PTPRM: variants seen among roughly 807,000 people sequenced by gnomAD.
PTPRM encodes protein tyrosine phosphatase receptor type M.
Under a neutral mutation model 186.7 loss-of-function variants are expected in PTPRM, and 47 were observed. That is an observed-to-expected ratio of 0.25 (90% CI 0.20 to 0.32). The LOEUF is 0.32. Among genes scored for constraint, PTPRM ranks in the 10% least tolerant of loss-of-function variants. The pLI is 1.00. For missense variants in PTPRM, 1,494 were observed against 1,865.0 expected, an observed-to-expected ratio of 0.80 and a Z score of 3.66; for synonymous variants, 668 against 674.9, an observed-to-expected ratio of 0.99 and a Z score of 0.16.
intron 14 of PTPRM, among the ~76,000 whole-genome samples, chr18:8,241,548 G>A (rs1568586760): frequency 6.6e-6 from 1 of 152,132 alleles, no homozygotes; most frequent in African/African-American, 2.4e-5. Context: ...TAAAAATTAA[G>A]AGTTGATATA....
intron 24 of PTPRM, 65 bp from the exon 25 acceptor site, chr18:8,375,981 C>A: frequency 6.6e-7 from 1 of 1,510,448 alleles, no homozygotes; most frequent in Non-Finnish European, 9.1e-7. Flanking sequence ...CCCCAGCTAT[C>A]CCTGCTTATT....
At chr18:8,295,072 C>T (rs932610702) in intron 19 of PTPRM, among the ~76,000 whole-genome samples, 11 of 152,330 alleles carry the variant, frequency 7.2e-5, no homozygotes, top group Non-Finnish European at 1.6e-4. Flanking sequence ...CTCCCACTCT[C>T]AGGGAGTCCA....
At chr18:8,378,625 C>A (rs944502612) in intron 27 of PTPRM, among the ~76,000 whole-genome samples, 1 of 152,048 alleles carries the variant, frequency 6.6e-6, no homozygotes, top group African/African-American at 2.4e-5. Context: ...GCCAGGTGTC[C>A]CCCTGGGGGA....
At chr18:7,768,646 A>T (rs975956742) in intron 1 of PTPRM, among the ~76,000 whole-genome samples, 1 of 93,564 alleles carries the variant, frequency 1.1e-5, no homozygotes, top group African/African-American at 6.1e-5. Context: ...ATATATATAT[A>T]TATTTTTTTT....
Position 8,085,693 on chromosome 18 carries a change from C to T in PTPRM, c.1574C>T (p.Ser525Phe), listed in dbSNP as rs1402152124. 1 of 1,607,822 alleles carries T rather than the reference C, an allele frequency of 6.2e-7. No individual in the cohort carries two copies. The highest frequency in any genetic ancestry group is 8.5e-7 in the Non-Finnish European group (1 of 1,174,530). The stretch of plus-strand genomic sequence containing the variant: ...CAGATCACCTACAAAGCAGTCAGTT[C>T]CTTTGACCCAGAAATAGATTTATCC... ...LYEITYKAVS[S>F]FDPEIDLSNQ... Residue 525 changes from serine to phenylalanine, a missense_variant, in exon 10 of 33, where the codon TCC becomes TTC. Ser to Phe is a radical substitution (Grantham distance 155). Coordinates refer to ENST00000580170, the MANE Select transcript of PTPRM (RefSeq NM_001105244.2).
intron 7 of PTPRM, among the ~76,000 whole-genome samples, chr18:8,043,085 G>C (rs1329343201): frequency 6.6e-6 from 1 of 152,170 alleles, no homozygotes; most frequent in Non-Finnish European, 1.5e-5. Flanking sequence ...GCCCTTTGCT[G>C]ACCTCATGCA....
At chr18:7,601,794 T>G (rs2037409585) in intron 1 of PTPRM, among the ~76,000 whole-genome samples, 1 of 152,220 alleles carries the variant, frequency 6.6e-6, no homozygotes, top group African/African-American at 2.4e-5. Context: ...TTCAACCTGC[T>G]ACACCCGGGT....
At chr18:7,995,307 C>G (rs1225876964) in intron 7 of PTPRM, among the ~76,000 whole-genome samples, 1 of 151,894 alleles carries the variant, frequency 6.6e-6, no homozygotes, top group African/African-American at 2.4e-5. Flanking sequence ...AAAGAAAAGC[C>G]CAGGATCAGA....
At chr18:8,358,481 T>C (rs1162295225) in intron 23 of PTPRM, among the ~76,000 whole-genome samples, 1 of 152,214 alleles carries the variant, frequency 6.6e-6, no homozygotes, top group Non-Finnish European at 1.5e-5. Context: ...TCACGCCTCC[T>C]GTGTCTCTGC....
At chr18:8,220,010 A>G (rs1039830509) in intron 14 of PTPRM, among the ~76,000 whole-genome samples, 1 of 152,166 alleles carries the variant, frequency 6.6e-6, no homozygotes, top group South Asian at 2.1e-4. Context: ...TGACCTCCCC[A>G]TCACATCCAG....
rs576279728 is a variant in PTPRM at position 7,954,263 on chromosome 18, A to G, written c.839-858A>G. On this transcript the variant is annotated intron_variant, in intron 6 of 32. Coordinates refer to ENST00000580170, the MANE Select transcript of PTPRM (RefSeq NM_001105244.2). The stretch of plus-strand genomic sequence containing the variant: ...TCTTGGGTTGTAAAGTGTGTTTGCT[A>G]GTGATTTCTTAGTTTTATCAAGCTG... 3.3e-5 allele frequency among the ~76,000 whole-genome samples: 5 copies of G among 152,282 alleles called. No individual in the cohort carries two copies. The South Asian group carries it at 1.0e-3, about 32-fold the overall frequency.
chr18:7,995,320 G>T (rs1021053222), intron 7 of PTPRM, among the ~76,000 whole-genome samples: 24 of 152,042 alleles, frequency 1.6e-4, no homozygotes, highest in African/African-American at 2.7e-4. Context: ...GGATCAGATG[G>T]CTTTACCACT....
At chr18:8,242,721 T>G (rs1466223025) in intron 14 of PTPRM, among the ~76,000 whole-genome samples, 1 of 152,236 alleles carries the variant, frequency 6.6e-6, no homozygotes, top group Non-Finnish European at 1.5e-5. Flanking sequence ...AAAATATTAT[T>G]GTAACTACAG....
At chr18:8,179,339 G>T (rs1442491744) in intron 14 of PTPRM, among the ~76,000 whole-genome samples, 1 of 152,104 alleles carries the variant, frequency 6.6e-6, no homozygotes, top group Non-Finnish European at 1.5e-5. Context: ...ATTGTTAAAA[G>T]CTCTAAATGG....
intron 19 of PTPRM, among the ~76,000 whole-genome samples, chr18:8,265,978 G>T (rs892557067): frequency 6.6e-6 from 1 of 152,046 alleles, no homozygotes; most frequent in African/African-American, 2.4e-5. Context: ...TGGCCATCAC[G>T]TATGATCCAC....
chr18:7,675,929 G>C (rs2039325433), intron 1 of PTPRM, among the ~76,000 whole-genome samples: 1 of 152,048 alleles, frequency 6.6e-6, no homozygotes, highest in African/African-American at 2.4e-5. Context: ...TAGAGACGAA[G>C]TTTCACTGTG....
chr18:7,778,926 TAAG>T (rs1345582187), intron 2 of PTPRM, among the ~76,000 whole-genome samples: 1 of 152,218 alleles, frequency 6.6e-6, no homozygotes, highest in Non-Finnish European at 1.5e-5. Flanking sequence ...TCACATAGAT[TAAG>T]AAGCATTAAG....
chr18:7,638,193 C>T (rs572648295), intron 1 of PTPRM, among the ~76,000 whole-genome samples: 2 of 152,144 alleles, frequency 1.3e-5, no homozygotes, highest in South Asian at 2.1e-4. Flanking sequence ...AAAGACCCAG[C>T]GAAACCAGAT....
chr18:7,995,875 AC>A (rs2083505365), intron 7 of PTPRM: 1 of 152,190 alleles, frequency 6.6e-6, no homozygotes, highest in South Asian at 2.1e-4. Flanking sequence ...TGTTTTGAGA[AC>A]ATGTCAAGTG....
Sources: allele counts gnomAD v4.1 joint callset (sites outside exome capture counted in the v4.1 genomes callset), GRCh38; gene constraint gnomAD v4.1.1; transcripts MANE v1.5; gene names NCBI Gene and HGNC (gene_info 2026-07-23, HGNC 2026-07-21).